DHX32: variants seen among roughly 807,000 people sequenced by gnomAD.
The protein encoded by DHX32 is putative pre-mRNA-splicing factor ATP-dependent RNA helicase DHX32.
In DHX32, 51 loss-of-function variants were observed where a neutral mutation model predicts 70.0. The observed-to-expected ratio is 0.73, with a 90% CI of 0.58 to 0.92. The LOEUF (loss-of-function observed/expected upper bound fraction) is 0.92, where lower values mean the gene tolerates loss of function less well. Among genes scored for constraint, DHX32 ranks in the 40% least tolerant of loss-of-function variants. DHX32 has a pLI of 0.00. For missense variants in DHX32, 762 were observed against 891.8 expected, an observed-to-expected ratio of 0.85 and a Z score of 1.85; for synonymous variants, 310 against 315.3, an observed-to-expected ratio of 0.98 and a Z score of 0.18.
In DHX32 at chr10:125,839,026, G is replaced by T; in HGVS notation, c.1856C>A (p.Ala619Asp). 1 of 1,614,110 alleles carries T rather than the reference G, an allele frequency of 6.2e-7. No individual in the cohort carries two copies. The highest frequency in any genetic ancestry group is 8.5e-7 in the Non-Finnish European group (1 of 1,179,970). Residue 619 changes from alanine (A) to aspartate (D), a missense_variant, in exon 9 of 11, where the codon GCT (alanine) becomes GAT (aspartate). Physicochemically the swap from Ala to Asp is moderately radical, Grantham distance 126 (BLOSUM62 -2). Coordinates refer to ENST00000284690, the MANE Select transcript of DHX32 (RefSeq NM_018180.3). ...CTGCATAAAGTAACCGGACAGAAGA[G>T]CTTTCTTTATGTTTAGAGTGTTTTC... Reference protein sequence around the residue: ...SKENTLNIKKALLSGYFMQIA... With the variant: ...SKENTLNIKKDLLSGYFMQIA...
intron 4 of DHX32, chr10:125,853,099 G>T: frequency 6.6e-7 from 1 of 1,507,636 alleles, no homozygotes; most frequent in Non-Finnish European, 9.2e-7. Flanking sequence ...AACTGCGTAT[G>T]GCACTAACAA....
In DHX32 at chr10:125,859,871, G is replaced by T; in HGVS notation, c.581C>A (p.Thr194Asn). 1 of 1,614,050 alleles carries T rather than the reference G, an allele frequency of 6.2e-7. No individual in the cohort carries two copies. The highest frequency in any genetic ancestry group is 8.5e-7 in the Non-Finnish European group (1 of 1,179,994). ...LDDIHERSIA[T>N]DVLLGLLKDV... is the part of the protein sequence containing the mutation. ...TTTAAGAAGTCCAAGTAACACATCA[G>T]TTGCAATGCTTCTTTCATGAATATC... Residue 194 changes from threonine (T) to asparagine (N), a missense_variant, in exon 3 of 11, where the codon ACT (threonine) becomes AAT (asparagine). Coordinates refer to ENST00000284690, the MANE Select transcript of DHX32 (RefSeq NM_018180.3).
At chr10:125,892,321 C>G (rs1362068214) in intron 1 of DHX32, among the ~76,000 whole-genome samples, 1 of 152,308 alleles carries the variant, frequency 6.6e-6, no homozygotes, top group Non-Finnish European at 1.5e-5. Flanking sequence ...ATTTTTTTGT[C>G]TCTCATTTAG....
At chr10:125,839,831 C>T (rs1167068628) in intron 8 of DHX32, among the ~76,000 whole-genome samples, 2 of 152,116 alleles carry the variant, frequency 1.3e-5, no homozygotes, top group Non-Finnish European at 2.9e-5. Flanking sequence ...GGCCATGGCA[C>T]CATGGACAGA....
intron 6 of DHX32, among the ~76,000 whole-genome samples, chr10:125,849,187 G>C (rs1218230097): frequency 6.6e-6 from 1 of 152,144 alleles, no homozygotes; most frequent in South Asian, 2.1e-4. Context: ...TTAAATTGCT[G>C]TTTTGTTTTG....
Position 125,841,799 on chromosome 10 carries a change from G to T in DHX32, c.1487C>A (p.Ala496Glu). Reference protein sequence around the residue: ...LDPQLSKSILASCEFDCVDEV... With the variant: ...LDPQLSKSILESCEFDCVDEV... ...ATCTACACAGTCAAATTCACAGGAC[G>T]CTAAGATAGACTTCGAGAGTTGTGG... Residue 496 changes from alanine (A) to glutamate (E), a missense_variant, in exon 7 of 11, where the codon GCG (alanine) becomes GAG (glutamate). By Grantham distance (107) the Ala-to-Glu change is moderately radical. Transcript: ENST00000284690. The T allele has an allele frequency of 6.2e-7, 1 of 1,613,538 alleles. No homozygotes were observed. The highest frequency in any genetic ancestry group is 8.5e-7 in the Non-Finnish European group (1 of 1,179,924).
chr10:125,871,952 TC>T (rs1404495189), intron 1 of DHX32, among the ~76,000 whole-genome samples: 1 of 148,004 alleles, frequency 6.8e-6, no homozygotes, highest in African/African-American at 2.5e-5. Context: ...AACCTCCGCC[TC>T]CCGGGTTCAA....
rs1854885119 is a variant in DHX32 at position 125,841,740 on chromosome 10, T to C, written c.1543+3A>G. On this transcript the variant is annotated splice_donor_region_variant and intron_variant, in intron 7 of 10. Transcript: ENST00000284690. Reference sequence around the variant, plus strand: ...AAAGAAAAGGAATAGTCATTAAGGATACCTGTTACCATGGCTGCGATTGTT... The same window carrying C: ...AAAGAAAAGGAATAGTCATTAAGGACACCTGTTACCATGGCTGCGATTGTT... 1 of 1,608,350 alleles carries C rather than the reference T, an allele frequency of 6.2e-7. No individual in the cohort carries two copies. The highest frequency in any genetic ancestry group is 8.5e-7 in the Non-Finnish European group (1 of 1,178,916).
chr10:125,856,523 A>T (rs969576101), intron 3 of DHX32, among the ~76,000 whole-genome samples: 1 of 152,360 alleles, frequency 6.6e-6, no homozygotes, highest in African/African-American at 2.4e-5. Flanking sequence ...AATCACAGAG[A>T]TTAATTCACA....
At chr10:125,864,574 C>T (rs561799207) in intron 2 of DHX32, among the ~76,000 whole-genome samples, 13 of 152,062 alleles carry the variant, frequency 8.5e-5, no homozygotes, top group African/African-American at 1.2e-4. Flanking sequence ...AAAGGTGAGG[C>T]GTGTCTAACA....
At chr10:125,855,448 G>GTT (rs777479193) in intron 3 of DHX32, among the ~76,000 whole-genome samples, 89 of 121,434 alleles carry the variant, frequency 7.3e-4, no homozygotes, top group East Asian at 1.2e-3. Context: ...AAGATAAACT[G>GTT]TTTTTTTTTT....
At chr10:125,856,543 G>C (rs931557783) in intron 3 of DHX32, among the ~76,000 whole-genome samples, 2 of 152,230 alleles carry the variant, frequency 1.3e-5, no homozygotes, top group African/African-American at 4.8e-5. Context: ...AGCAGGTGTG[G>C]TGCTAGGCAA....
At chr10:125,880,198 C>T (rs1340698123) in intron 1 of DHX32, among the ~76,000 whole-genome samples, 1 of 152,136 alleles carries the variant, frequency 6.6e-6, no homozygotes, top group African/African-American at 2.4e-5. Context: ...ATCCCCATAC[C>T]CATGCTGAGG....
intron 9 of DHX32, 55 bp downstream of exon 9, chr10:125,838,946 C>A: frequency 6.5e-7 from 1 of 1,532,090 alleles, no homozygotes; most frequent in South Asian, 1.2e-5. Flanking sequence ...GCAGCATATC[C>A]TGAGTATGTG....
In DHX32 at chr10:125,852,356, C is replaced by T. The variant is rs17153669; in HGVS notation, c.1288G>A (p.Val430Met). 1.2e-6 allele frequency: 2 copies of T among 1,614,196 alleles called. No homozygotes were observed. Among genetic ancestry groups the T allele is most frequent in the East Asian group, 4.5e-5 (2 of 44,890 alleles). Residue 430 changes from valine (V) to methionine (M), a missense_variant, in exon 6 of 11, where the codon GTG (valine) becomes ATG (methionine). By Grantham distance (21) the Val-to-Met change is conservative (BLOSUM62 1). Around this residue, in one of 3 missense-constraint regions of DHX32, gnomAD observed 366 missense variants for 402.6 expected, o/e 0.91. Transcript: ENST00000284690. ...EMQEANLTSMVLFMKRIDIAG... is the reference protein window; with the variant it reads ...EMQEANLTSMMLFMKRIDIAG... ...ATGTCTATCCTCTTCATAAAAAGCACCATGCTTGTTAGGTTGGCTTCCTGC... is the reference window on the plus strand; with the variant it reads ...ATGTCTATCCTCTTCATAAAAAGCATCATGCTTGTTAGGTTGGCTTCCTGC...
chr10:125,896,365 C>A, exon 1 of DHX32: 1 of 416,780 alleles, frequency 2.4e-6, no homozygotes, highest in Admixed American at 4.6e-5. Flanking sequence ...TGCGGGGCCG[C>A]GGGGGCCGCC....
At chr10:125,868,392 C>T (rs1944236120) in intron 1 of DHX32, among the ~76,000 whole-genome samples, 1 of 152,074 alleles carries the variant, frequency 6.6e-6, no homozygotes, top group African/African-American at 2.4e-5. Context: ...ATCTTGAGGT[C>T]TGCTATTTAT....
At position 125,867,100 on chromosome 10, in the gene DHX32, A is replaced by G; in HGVS notation, c.366T>C (p.Thr122=). The stretch of plus-strand genomic sequence containing the variant: ...CCACCCGCAGGGCGAGCTGGACCAC[A>G]GTCTGCTTGTGGACCTGTGTGCATA... ...GVICTQVHKQ[T]VVQLALRVAD... is the part of the protein sequence containing the mutation. The change falls in exon 2 of 11, where the codon ACT becomes ACC. Residue 122 remains threonine, a synonymous_variant. Coordinates refer to ENST00000284690, the MANE Select transcript of DHX32 (RefSeq NM_018180.3). The G allele has an allele frequency of 1.2e-6, 2 of 1,614,220 alleles. No individual in the cohort carries two copies. Among genetic ancestry groups the G allele is most frequent in the Non-Finnish European group, 8.5e-7 (1 of 1,180,038 alleles).
At chr10:125,871,480 G>A (rs540627649) in intron 1 of DHX32, among the ~76,000 whole-genome samples, 1 of 152,310 alleles carries the variant, frequency 6.6e-6, no homozygotes, top group African/African-American at 2.4e-5. Context: ...GACCACATAG[G>A]ATGCAGCTCC....
Sources: allele counts gnomAD v4.1 joint callset (sites outside exome capture counted in the v4.1 genomes callset), GRCh38; gene constraint gnomAD v4.1.1; regional missense constraint gnomAD v4.1.1; transcripts MANE v1.5; gene names NCBI Gene and HGNC (gene_info 2026-07-23, HGNC 2026-07-21).